LYPLAL1: variants seen among roughly 807,000 people sequenced by gnomAD.
LYPLAL1 encodes the protein lysophospholipase-like protein 1.
Under a neutral mutation model 19.7 loss-of-function variants are expected in LYPLAL1, and 23 were observed. The observed-to-expected ratio is 1.17, with a 90% CI of 0.84 to 1.65. The LOEUF (loss-of-function observed/expected upper bound fraction) is 1.65, where lower values mean the gene tolerates loss of function less well. Ranked by LOEUF, LYPLAL1 falls within the 40% of genes most tolerant of loss-of-function variation. The pLI, the probability that LYPLAL1 is intolerant of heterozygous loss-of-function variation, is 0.00. For synonymous variants in LYPLAL1, 119 were observed against 96.3 expected (o/e 1.24, Z -1.38); for missense variants, 355 against 279.4 (o/e 1.27, Z -1.93).
At chr1:219,381,108 G>C in the LYPLAL1 span, among the ~76,000 whole-genome samples, 1 of 152,124 alleles carries the variant, frequency 6.6e-6, no homozygotes, top group African/African-American at 2.4e-5. Flanking sequence ...TAATTCCCAC[G>C]CATCATGAGA....
At chr1:219,331,971 A>G in the LYPLAL1 span, among the ~76,000 whole-genome samples, 1 of 152,176 alleles carries the variant, frequency 6.6e-6, no homozygotes, top group African/African-American at 2.4e-5. Flanking sequence ...GTTGCATAGA[A>G]TGCTAATAGT....
chr1:219,257,135 T>TA, the LYPLAL1 span, among the ~76,000 whole-genome samples: 1 of 151,982 alleles, frequency 6.6e-6, no homozygotes, highest in Non-Finnish European at 1.5e-5. Context: ...TTATCATTTG[T>TA]AAAAAACTGT....
At chr1:219,390,492 G>T in the LYPLAL1 span, among the ~76,000 whole-genome samples, 1 of 152,166 alleles carries the variant, frequency 6.6e-6, no homozygotes. Context: ...AGTTCCATAA[G>T]ATTAGCTAGG....
rs1020667167 is a variant in LYPLAL1 at position 219,211,963 on chromosome 1, A to G, written c.*235A>G. Reference sequence around the variant, plus strand: ...GTAAATATTTGGAAACCTTTTAAGTATTTAAACTTTTAAATTTTTGAAATA... The same window carrying G: ...GTAAATATTTGGAAACCTTTTAAGTGTTTAAACTTTTAAATTTTTGAAATA... On this transcript the variant is annotated 3_prime_UTR_variant, in exon 5 of 5. Transcript: ENST00000366928. 1 of 320,418 alleles carries G rather than the reference A, an allele frequency of 3.1e-6. No individual in the cohort carries two copies. The highest frequency in any genetic ancestry group is 5.1e-5 in the East Asian group (1 of 19,476). The allele number at this position is 320,418 out of a possible 1,614,324, so 19.8% of individuals were successfully genotyped here.
the LYPLAL1 span, among the ~76,000 whole-genome samples, chr1:219,342,000 A>G: frequency 1.3e-5 from 2 of 152,176 alleles, no homozygotes; most frequent in Non-Finnish European, 2.9e-5. Context: ...AAAAATTATT[A>G]TACTCACATT....
At chr1:219,194,485 C>G (rs1657450023) in intron 3 of LYPLAL1, among the ~76,000 whole-genome samples, 1 of 152,008 alleles carries the variant, frequency 6.6e-6, no homozygotes, top group African/African-American at 2.4e-5. Context: ...AAAGCAAGAT[C>G]TATCTGCCTT....
chr1:219,293,251 A>T, the LYPLAL1 span, among the ~76,000 whole-genome samples: 39 of 152,212 alleles, frequency 2.6e-4, 1 homozygote, highest in Non-Finnish European at 5.3e-4. Flanking sequence ...CGCAAACCAT[A>T]CAGAGCTGAA....
the LYPLAL1 span, among the ~76,000 whole-genome samples, chr1:219,277,262 G>A: frequency 3.3e-5 from 5 of 152,244 alleles, no homozygotes; most frequent in East Asian, 9.7e-4. Context: ...TCTATTGAGA[G>A]CTTAATGATG....
chr1:219,272,251 G>C, the LYPLAL1 span: 1 of 152,062 alleles, frequency 6.6e-6, no homozygotes, highest in Non-Finnish European at 1.5e-5. Flanking sequence ...ACCAAACACA[G>C]ATCCACAGAG....
chr1:219,194,669 A>G (rs1186967230), intron 3 of LYPLAL1, among the ~76,000 whole-genome samples: 1 of 151,984 alleles, frequency 6.6e-6, no homozygotes, highest in African/African-American at 2.4e-5. Flanking sequence ...GCACAGAGCA[A>G]ATACTCAGGA....
the LYPLAL1 span, among the ~76,000 whole-genome samples, chr1:219,268,643 G>GAGT: frequency 6.9e-6 from 1 of 144,552 alleles, no homozygotes; most frequent in East Asian, 2.0e-4. Flanking sequence ...TAAAAAACAA[G>GAGT]TCCATATATA....
At chr1:219,327,553 A>T in the LYPLAL1 span, among the ~76,000 whole-genome samples, 6 of 152,114 alleles carry the variant, frequency 3.9e-5, no homozygotes, top group Non-Finnish European at 2.9e-5. Context: ...CAGCAATTTT[A>T]TTTGACTTAG....
At chr1:219,223,019 C>A in the LYPLAL1 span, 5 of 152,182 alleles carry the variant, frequency 3.3e-5, no homozygotes, top group African/African-American at 9.6e-5. Context: ...AATACCATCA[C>A]CTTGGGGTTT....
the LYPLAL1 span, among the ~76,000 whole-genome samples, chr1:219,340,201 A>G: frequency 1.3e-5 from 2 of 152,072 alleles, no homozygotes; most frequent in East Asian, 3.9e-4. Context: ...GGGTATCAAC[A>G]AAGTGATGGA....
intron 2 of LYPLAL1, among the ~76,000 whole-genome samples, chr1:219,182,821 G>A (rs1232426165): frequency 6.6e-6 from 1 of 151,920 alleles, no homozygotes; most frequent in Non-Finnish European, 1.5e-5. Context: ...TTCCATTGAT[G>A]GCATGTAAAT....
chr1:219,417,233 T>TC, the LYPLAL1 span, among the ~76,000 whole-genome samples: 4 of 123,942 alleles, frequency 3.2e-5, no homozygotes, highest in Non-Finnish European at 4.9e-5. Context: ...TTTTCTATTG[T>TC]CTTCTATTGT....
the LYPLAL1 span, among the ~76,000 whole-genome samples, chr1:219,237,580 G>A: frequency 4.6e-5 from 7 of 152,122 alleles, no homozygotes; most frequent in Admixed American, 6.5e-5. Context: ...TTGTTGCTCG[G>A]TCTACTTTGA....
chr1:219,185,686 A>G (rs1656666956), intron 2 of LYPLAL1, among the ~76,000 whole-genome samples: 1 of 151,858 alleles, frequency 6.6e-6, no homozygotes, highest in African/African-American at 2.4e-5. Flanking sequence ...TCGTCGTGTG[A>G]TTGCCAGGAA....
the LYPLAL1 span, among the ~76,000 whole-genome samples, chr1:219,418,653 C>T: frequency 1.3e-5 from 2 of 152,186 alleles, no homozygotes; most frequent in African/African-American, 4.8e-5. Flanking sequence ...TCAATATCAC[C>T]CAAAATCCAC....
Sources: allele counts gnomAD v4.1 joint callset (sites outside exome capture counted in the v4.1 genomes callset), GRCh38; gene constraint gnomAD v4.1.1; transcripts MANE v1.5; gene names NCBI Gene and HGNC (gene_info 2026-07-23, HGNC 2026-07-21).